Variants in RNF14 observed in about 807,000 individuals in gnomAD.
RNF14 encodes the protein ring finger protein 14.
A neutral mutation model predicts 52.6 loss-of-function variants in RNF14; 26 were observed. The ratio of observed to expected loss-of-function variants is 0.49; its 90% CI spans 0.36 to 0.69. RNF14 has a LOEUF of 0.69. RNF14 is among the 30% of genes least tolerant of loss of function. The probability of loss-of-function intolerance (pLI) is 0.00; values close to 1 mark genes in which losing one functional copy is unlikely to be tolerated. For missense variants in RNF14, 404 were observed against 560.4 expected (o/e 0.72, Z 2.82); for synonymous variants, 194 against 202.0 (o/e 0.96, Z 0.34).
At chr5:141,982,589 C>G (rs2127039428) in intron 6 of RNF14, 1 of 152,286 alleles carries the variant, frequency 6.6e-6, no homozygotes, top group East Asian at 1.9e-4. Context: ...CTTTTGTCTG[C>G]AAGTAAAACC....
At chr5:141,951,639 C>T in the RNF14 span, 1 of 1,316,296 alleles carries the variant, frequency 7.6e-7, no homozygotes, top group East Asian at 2.3e-5. Flanking sequence ...CGACTCAGCA[C>T]ACTTCCTCGC....
upstream of RNF14, chr5:141,955,801 G>C (rs10040926): frequency 4.0e-4 from 647 of 1,613,864 alleles, 1 homozygote; most frequent in African/African-American, 7.6e-3. This position sits in a 1 kb window ranked among gnomAD's most constrained non-coding sequence, Gnocchi z 5.5. Flanking sequence ...GGTCTGTAAG[G>C]GGGGGCTTCC....
Position 141,983,441 on chromosome 5 carries a change from G to T in RNF14, c.1125G>T (p.Leu375Phe). ...LQADEANKRL[L>F]DQRYGKRVIQ... ...CGGATGAGGCTAATAAAAGACTTTT[G>T]GATCAAAGGTATGGTAAGAGAGTGA... Residue 375 changes from leucine to phenylalanine, a missense_variant, in exon 7 of 9, where the codon TTG (leucine) becomes TTT (phenylalanine). By Grantham distance (22) the Leu-to-Phe change is conservative (BLOSUM62 0). Coordinates refer to ENST00000394520, the MANE Select transcript of RNF14 (RefSeq NM_004290.5). 6.2e-7 allele frequency: 1 copy of T among 1,613,770 alleles called. No individual in the cohort carries two copies.
chr5:141,976,712 A>G (rs1375028888), intron 4 of RNF14, among the ~76,000 whole-genome samples: 1 of 150,482 alleles, frequency 6.6e-6, no homozygotes, highest in Non-Finnish European at 1.5e-5. Flanking sequence ...CTCCCCCAAT[A>G]TACTTACACA....
chr5:141,982,082 C>G (rs1413602542), intron 6 of RNF14, among the ~76,000 whole-genome samples: 1 of 152,104 alleles, frequency 6.6e-6, no homozygotes, highest in Non-Finnish European at 1.5e-5. Context: ...ACTTCTGTAA[C>G]CTTTTCATTA....
In RNF14 at chr5:141,978,785, C is replaced by G; in HGVS notation, c.789C>G (p.Leu263=). 6.2e-7 allele frequency: 1 copy of G among 1,614,002 alleles called. No individual in the cohort carries two copies. The highest frequency in any genetic ancestry group is 8.5e-7 in the Non-Finnish European group (1 of 1,179,872). ...IQIRDGQVQC[L]NCPEPKCPSV... is the part of the protein sequence containing the mutation. ...TCAGAGATGGCCAGGTTCAATGCCT[C>G]AACTGCCCAGAACCAAAGTGCCCTT... Residue 263 remains leucine (L), a synonymous_variant, in exon 5 of 9, where the codon CTC becomes CTG. Coordinates refer to ENST00000394520, the MANE Select transcript of RNF14 (RefSeq NM_004290.5).
At chr5:141,957,336 G>A (rs139026287), upstream of RNF14, 1,106 of 1,613,688 alleles carry the variant, frequency 6.9e-4, 14 homozygotes, top group South Asian at 8.5e-3. This position sits in a 1 kb window ranked among gnomAD's most constrained non-coding sequence, Gnocchi z 4.3. Context: ...GAGACAGAGT[G>A]TAGGTGTGCA....
At chr5:141,964,112 C>T (rs1596650242), upstream of RNF14, among the ~76,000 whole-genome samples, 1 of 152,188 alleles carries the variant, frequency 6.6e-6, no homozygotes, top group East Asian at 1.9e-4. Context: ...ATCAAAAGCA[C>T]AGAAAACATT....
At chr5:141,962,823 CAT>C (rs796382341), upstream of RNF14, among the ~76,000 whole-genome samples, 15 of 152,306 alleles carry the variant, frequency 9.8e-5, no homozygotes, top group South Asian at 8.3e-4. Context: ...GTTACACACA[CAT>C]GTCTTTCTCC....
the RNF14 span, among the ~76,000 whole-genome samples, chr5:141,950,321 AG>A: frequency 6.6e-6 from 1 of 152,164 alleles, no homozygotes; most frequent in South Asian, 2.1e-4. Flanking sequence ...TTTAAGGCGT[AG>A]GAGTCCTTCT....
rs776920783 is a variant in RNF14, at chr5:141,980,286, A to G, written c.998A>G (p.Asn333Ser). Reference sequence around the variant, plus strand: ...ACCATGGGTATCTGCTCCAGCTGCAATTTTGCCTTCTGTACTTTGTGCAGG... The same window carrying G: ...ACCATGGGTATCTGCTCCAGCTGCAGTTTTGCCTTCTGTACTTTGTGCAGG... ...GCTMGICSSC[N>S]FAFCTLCRLT... Residue 333 changes from asparagine (N) to serine (S), a missense_variant, in exon 6 of 9, where the codon AAT (asparagine) becomes AGT (serine). Asn to Ser is a conservative substitution (Grantham distance 46, BLOSUM62 1). Coordinates refer to ENST00000394520, the MANE Select transcript of RNF14 (RefSeq NM_004290.5). 4.3e-6 allele frequency: 7 copies of G among 1,614,084 alleles called. No homozygotes were observed. In the South Asian group the frequency reaches 7.7e-5, roughly 18 times the overall value.
upstream of RNF14, among the ~76,000 whole-genome samples, chr5:141,962,541 G>A (rs1014859470): frequency 2.0e-5 from 3 of 152,142 alleles, no homozygotes; most frequent in African/African-American, 7.2e-5. Context: ...GTTGATTTAC[G>A]TGATAAAAAT....
the RNF14 span, chr5:141,949,393 G>A: frequency 1.3e-6 from 2 of 1,584,828 alleles, no homozygotes; most frequent in African/African-American, 1.3e-5. Flanking sequence ...GACACCATGG[G>A]GCAGAAGCAG....
intron 6 of RNF14, among the ~76,000 whole-genome samples, chr5:141,981,024 C>T (rs1754723940): frequency 6.6e-6 from 1 of 152,188 alleles, no homozygotes; most frequent in Non-Finnish European, 1.5e-5. Flanking sequence ...CGTAAGGAAT[C>T]ATAAATCAGG....
chr5:141,966,614 G>A (rs1375619059), upstream of RNF14, among the ~76,000 whole-genome samples: 1 of 152,148 alleles, frequency 6.6e-6, no homozygotes, highest in Non-Finnish European at 1.5e-5. Flanking sequence ...AGACACAAAA[G>A]TCTGTTATTT....
intron 7 of RNF14, among the ~76,000 whole-genome samples, chr5:141,984,392 C>G (rs1382199171): frequency 1.3e-5 from 2 of 152,202 alleles, no homozygotes; most frequent in African/African-American, 4.8e-5. Context: ...GCCACCACAC[C>G]TGGCCATATA....
rs779502102 is a variant in RNF14, at chr5:141,983,397, C to T, written c.1081C>T (p.Arg361Ter). 3.0e-5 allele frequency: 49 copies of T among 1,611,850 alleles called. No homozygotes were observed. Among genetic ancestry groups the T allele is most frequent in the Non-Finnish European group, 4.0e-5 (47 of 1,179,330 alleles). The stretch of plus-strand genomic sequence containing the variant: ...CTTTGTAGAGAAATTAATGGACTTA[C>T]GAAATGAATACCTGCAAGCGGATGA... ...KVTAEKLMDLRNEYLQADEAN... is the reference protein window; with the variant it reads ...KVTAEKLMDL The change falls in exon 7 of 9, where the codon CGA becomes TGA. Residue 361 changes from arginine (R) to a stop codon, truncating the protein, a stop_gained. Coordinates refer to ENST00000394520, the MANE Select transcript of RNF14 (RefSeq NM_004290.5). LOFTEE classifies it high-confidence loss of function.
chr5:141,969,935 A>G (rs558765432), intron 1 of RNF14, among the ~76,000 whole-genome samples: 1 of 152,208 alleles, frequency 6.6e-6, no homozygotes, highest in Non-Finnish European at 1.5e-5. Context: ...AGCTTAATTC[A>G]ATTAGCACCA....
chr5:141,951,677 T>G, the RNF14 span: 3 of 952,550 alleles, frequency 3.1e-6, no homozygotes, highest in Admixed American at 1.8e-5. Flanking sequence ...GCCGGTGCTT[T>G]CTTTTTATAG....
Sources: gnomAD v4.1 joint callset for allele counts (sites outside exome capture counted in the v4.1 genomes callset) on GRCh38, gnomAD v4.1.1 for gene constraint, Gnocchi (gnomAD v3.1) non-coding constraint, MANE v1.5 for transcripts, NCBI Gene and HGNC (gene_info 2026-07-23, HGNC 2026-07-21) for gene names.